The following CPEB3 variants were observed in gnomAD, a reference collection of about 807,000 sequenced individuals.
CPEB3 encodes cytoplasmic polyadenylation element binding protein 3.
CPEB3 carries 20 observed loss-of-function variants against 67.2 expected under a neutral mutation model. That is an observed-to-expected ratio of 0.30 (90% confidence interval 0.21 to 0.43). The LOEUF is 0.43. Among genes scored for constraint, CPEB3 ranks in the 20% least tolerant of loss-of-function variants. The probability of loss-of-function intolerance (pLI) is 1.00; values close to 1 mark genes in which losing one functional copy is unlikely to be tolerated. For missense variants in CPEB3, 746 were observed against 968.6 expected (o/e 0.77, Z 3.05); for synonymous variants, 376 against 393.1 (o/e 0.96, Z 0.51).
At chr10:92,110,425 T>C (rs1346427438) in intron 7 of CPEB3, among the ~76,000 whole-genome samples, 1 of 152,218 alleles carries the variant, frequency 6.6e-6, no homozygotes, top group Non-Finnish European at 1.5e-5. Context: ...AACATGATCT[T>C]GCCCCTTCTC....
chr10:92,173,624 AC>A (rs893173607), intron 4 of CPEB3, among the ~76,000 whole-genome samples: 1 of 152,176 alleles, frequency 6.6e-6, no homozygotes, highest in Admixed American at 6.5e-5. Context: ...AGCAAAAGGT[AC>A]CACCCTCAAC....
rs539021728 is a variant in CPEB3, at chr10:92,076,634, G to C, written c.1869+4686C>G. ...TCCGTATGTTGCCCAGGTTGGTCTC[G>C]AACTTCTGGGCTCAAGTGCTCCTCC... On this transcript the variant is annotated intron_variant, in intron 9 of 9. Transcript: ENST00000265997. Among the ~76,000 whole-genome samples, 13 of 152,126 alleles carry C rather than the reference G, an allele frequency of 8.5e-5. No homozygotes were observed. In the East Asian group the frequency reaches 1.5e-3, roughly 18 times the overall value.
intron 4 of CPEB3, among the ~76,000 whole-genome samples, chr10:92,167,316 G>C (rs1564832495): frequency 6.6e-6 from 1 of 152,166 alleles, no homozygotes; most frequent in Non-Finnish European, 1.5e-5. Flanking sequence ...AGCACAAGAG[G>C]CCTAGCTTTT....
intron 1 of CPEB3, among the ~76,000 whole-genome samples, chr10:92,259,629 A>G (rs1036205033): frequency 1.1e-4 from 16 of 151,562 alleles, no homozygotes; most frequent in Admixed American, 4.6e-4. Context: ...ATCTATCTGT[A>G]CCACATTTTT....
chr10:92,179,942 C>T (rs1374175310), intron 4 of CPEB3, among the ~76,000 whole-genome samples: 1 of 152,238 alleles, frequency 6.6e-6, no homozygotes, highest in African/African-American at 2.4e-5. Context: ...TCCAGTATGT[C>T]TCCCATGTGT....
At chr10:92,192,661 C>G in intron 2 of CPEB3, 25 bp from the exon 3 acceptor site, 1 of 1,540,624 alleles carries the variant, frequency 6.5e-7, no homozygotes, top group Non-Finnish European at 8.8e-7. Flanking sequence ...AAAAACAAGA[C>G]AATACATAAA....
intron 9 of CPEB3, among the ~76,000 whole-genome samples, chr10:92,053,852 T>C (rs907725978): frequency 1.3e-5 from 2 of 152,038 alleles, no homozygotes; most frequent in African/African-American, 4.8e-5. Flanking sequence ...ACTCGACTTA[T>C]TTTTTGTATT....
intron 7 of CPEB3, among the ~76,000 whole-genome samples, chr10:92,093,297 C>T (rs1177667085): frequency 6.6e-6 from 1 of 152,134 alleles, no homozygotes; most frequent in Non-Finnish European, 1.5e-5. Context: ...GTTGACTTTT[C>T]ATTTCCTTAG....
chr10:92,238,693 C>A (rs150444376), intron 2 of CPEB3, among the ~76,000 whole-genome samples: 17 of 151,916 alleles, frequency 1.1e-4, no homozygotes, highest in Non-Finnish European at 2.5e-4. Context: ...TTCCACTCTT[C>A]CACCTCCTTC....
At chr10:92,131,136 A>G (rs757866275) in intron 6 of CPEB3, among the ~76,000 whole-genome samples, 3 of 152,172 alleles carry the variant, frequency 2.0e-5, no homozygotes, top group Non-Finnish European at 4.4e-5. Flanking sequence ...CCTGACCCCA[A>G]TCACCAAGAA....
intron 7 of CPEB3, among the ~76,000 whole-genome samples, chr10:92,098,956 G>A (rs1391429868): frequency 2.0e-5 from 3 of 151,648 alleles, no homozygotes; most frequent in Non-Finnish European, 4.4e-5. Flanking sequence ...ATTTTTAGTA[G>A]AGACAGGGTT....
chr10:92,274,755 T>C (rs1841899363), intron 1 of CPEB3, among the ~76,000 whole-genome samples: 1 of 152,066 alleles, frequency 6.6e-6, no homozygotes, highest in Non-Finnish European at 1.5e-5. Flanking sequence ...GCAGGAGAAT[T>C]GCTTGAATCG....
chr10:92,072,707 G>T (rs1035281999), intron 9 of CPEB3, among the ~76,000 whole-genome samples: 1 of 152,164 alleles, frequency 6.6e-6, no homozygotes, highest in Non-Finnish European at 1.5e-5. Context: ...TACAGCAATG[G>T]TTCTCTAGGA....
Position 92,289,732 on chromosome 10 carries a change from A to AAAAAAAAAAAAAAAAAAT in CPEB3, c.-12+1193_-12+1194insATTTTTTTTTTTTTTTTT. Among the ~76,000 whole-genome samples the AAAAAAAAAAAAAAAAAAT allele has an allele frequency of 1.8e-3, 140 of 75,740 alleles. 4 individuals carry two copies. The highest frequency in any genetic ancestry group is 2.8e-3 in the Admixed American group (15 of 5,316). 49.7% of individuals were successfully genotyped at this position (75,740 alleles called of 152,430 possible). On this transcript the variant is annotated intron_variant, in intron 1 of 9. Coordinates refer to ENST00000265997, the MANE Select transcript of CPEB3 (RefSeq NM_014912.5). Reference sequence around the variant, plus strand: ...CGCGTCTCTACCAAAAAAAAAAAAAAATATATATATATATATATATATATA... The same window carrying AAAAAAAAAAAAAAAAAAT: ...CGCGTCTCTACCAAAAAAAAAAAAAAAAAAAAAAAAAAAAAAATATATATATATATATATATATATATA...
At chr10:92,282,779 A>G (rs1369512609) in intron 1 of CPEB3, among the ~76,000 whole-genome samples, 1 of 152,230 alleles carries the variant, frequency 6.6e-6, no homozygotes, top group African/African-American at 2.4e-5. Context: ...TCCTTTAGAG[A>G]GCAACAGGGA....
At chr10:92,210,708 A>C (rs1850036309) in intron 2 of CPEB3, among the ~76,000 whole-genome samples, 1 of 152,242 alleles carries the variant, frequency 6.6e-6, no homozygotes, top group Non-Finnish European at 1.5e-5. Flanking sequence ...AATTGTGTTG[A>C]TAACATCTAT....
chr10:92,283,689 A>G (rs1465567088), intron 1 of CPEB3, among the ~76,000 whole-genome samples: 1 of 151,674 alleles, frequency 6.6e-6, no homozygotes, highest in East Asian at 1.9e-4. Context: ...CAGTTCCTAC[A>G]GAATGGGGTC....
chr10:92,265,994 A>T (rs920178545), intron 1 of CPEB3, among the ~76,000 whole-genome samples: 1 of 152,002 alleles, frequency 6.6e-6, no homozygotes, highest in Non-Finnish European at 1.5e-5. Context: ...ATTATGATAA[A>T]GGTGGGACTG....
intron 2 of CPEB3, among the ~76,000 whole-genome samples, chr10:92,209,437 A>G (rs1849959771): frequency 6.6e-6 from 1 of 152,130 alleles, no homozygotes; most frequent in Non-Finnish European, 1.5e-5. Context: ...AGGCATGAGA[A>G]TCGCTTGAAC....
Sources: gnomAD v4.1 joint callset for allele counts (sites outside exome capture counted in the v4.1 genomes callset) on GRCh38, gnomAD v4.1.1 for gene constraint, MANE v1.5 for transcripts, NCBI Gene and HGNC (gene_info 2026-07-23, HGNC 2026-07-21) for gene names.